The following AUTS2 variants were observed in gnomAD, a reference collection of about 807,000 sequenced individuals.
AUTS2 encodes autism susceptibility gene 2 protein.
In AUTS2, 17 loss-of-function variants were observed where a neutral mutation model predicts 112.4. The ratio of observed to expected loss-of-function variants is 0.15; its 90% confidence interval spans 0.10 to 0.23. The LOEUF (loss-of-function observed/expected upper bound fraction) is 0.23. AUTS2 is among the 10% of genes least tolerant of loss of function. AUTS2 has a pLI of 1.00. For synonymous variants in AUTS2, 751 were observed against 702.7 expected (o/e 1.07, Z -1.09); for missense variants, 1,510 against 1,701.6 (o/e 0.89, Z 1.98).
intron 1 of AUTS2, among the ~76,000 whole-genome samples, chr7:69,731,841 T>C (rs1786808111): frequency 6.6e-6 from 1 of 152,202 alleles, no homozygotes; most frequent in Non-Finnish European, 1.5e-5. Context: ...CAGGAGACAT[T>C]CCTATTTATT....
chr7:70,497,560 A>C (rs1257053233), intron 5 of AUTS2, among the ~76,000 whole-genome samples: 1 of 152,216 alleles, frequency 6.6e-6, no homozygotes, highest in East Asian at 1.9e-4. Flanking sequence ...ATCCTCATGC[A>C]TGTGGAGAAT....
intron 1 of AUTS2, among the ~76,000 whole-genome samples, chr7:69,817,844 C>T (rs1790829185): frequency 6.6e-6 from 1 of 152,124 alleles, no homozygotes; most frequent in Non-Finnish European, 1.5e-5. Context: ...CACAGCTTAT[C>T]CCCACCCTCT....
intron 1 of AUTS2, among the ~76,000 whole-genome samples, chr7:69,854,197 C>G (rs931057661): frequency 1.1e-4 from 16 of 152,122 alleles, no homozygotes; most frequent in African/African-American, 3.9e-4. Context: ...GCTACCAATG[C>G]CTTTCAGTGA....
chr7:70,377,325 A>AATATATATATATATATATATAT (rs58244266), intron 4 of AUTS2, among the ~76,000 whole-genome samples: 1 of 52,058 alleles, frequency 1.9e-5, no homozygotes, highest in Non-Finnish European at 3.7e-5. Context: ...AACAAATATA[A>AATATATATATATATATATATAT]ATATATATAT....
intron 5 of AUTS2, chr7:70,596,917 A>G (rs1044871656): frequency 3.3e-5 from 5 of 152,348 alleles, no homozygotes; most frequent in African/African-American, 1.2e-4. Flanking sequence ...AATGAGTAGC[A>G]ATTAGGAGTT....
chr7:70,479,440 C>A, intron 5 of AUTS2, among the ~76,000 whole-genome samples: 1 of 152,106 alleles, frequency 6.6e-6, no homozygotes, highest in East Asian at 1.9e-4. Context: ...CCGAAATACA[C>A]CAGCCACACT....
chr7:70,773,704 G>A (rs536434353), intron 11 of AUTS2, among the ~76,000 whole-genome samples: 1 of 152,354 alleles, frequency 6.6e-6, no homozygotes, highest in East Asian at 1.9e-4. Flanking sequence ...GGCAGTCCCT[G>A]CCATGGGTTC....
intron 10 of AUTS2, among the ~76,000 whole-genome samples, chr7:70,769,082 G>A (rs1288835608): frequency 6.6e-6 from 1 of 152,084 alleles, no homozygotes; most frequent in Non-Finnish European, 1.5e-5. Context: ...CAAGAGGTTA[G>A]CTGAGAAGTC....
intron 14 of AUTS2, among the ~76,000 whole-genome samples, chr7:70,777,539 G>A (rs910271947): frequency 1.3e-5 from 2 of 151,840 alleles, no homozygotes; most frequent in Admixed American, 1.3e-4. Flanking sequence ...GGGTCTCACT[G>A]TGTTGCCCAG....
At chr7:70,371,283 C>A (rs1043725864) in intron 4 of AUTS2, among the ~76,000 whole-genome samples, 4 of 152,210 alleles carry the variant, frequency 2.6e-5, no homozygotes, top group African/African-American at 9.6e-5. Flanking sequence ...AAAATCTCCT[C>A]ACATGATTCT....
intron 4 of AUTS2, chr7:70,290,958 A>G (rs1788681563): frequency 6.5e-6 from 1 of 153,054 alleles, no homozygotes; most frequent in Admixed American, 6.6e-5. Flanking sequence ...ATTTTACTCT[A>G]TTTCCATTTT....
At position 70,262,552 on chromosome 7, in the gene AUTS2, A is replaced by G. The variant is rs1027627813; in HGVS notation, c.660+127981A>G. ...AAAGTAAAGAAGAGGAACTGTTAAA[A>G]CTTATATGAAGTATGGCTGAATCTT... is the stretch of plus-strand genomic sequence containing the variant. On this transcript the variant is annotated intron_variant, in intron 4 of 18. Transcript: ENST00000342771. 3.3e-4 allele frequency among the ~76,000 whole-genome samples: 51 copies of G among 152,318 alleles called. 1 individual carries two copies. Among genetic ancestry groups the G allele is most frequent in the Admixed American group, 1.6e-3 (24 of 15,298 alleles).
chr7:70,601,113 C>A lies in AUTS2; in HGVS notation c.691-97456C>A, dbSNP rs184836351. On this transcript the variant is annotated intron_variant, in intron 5 of 18. Transcript: ENST00000342771. ...ACTCCCAGACTGTTTTCCAAAGTGA[C>A]TGTACCATTTGACATTCTTACAAGC... 6.8e-4 allele frequency among the ~76,000 whole-genome samples: 103 copies of A among 152,352 alleles called. 1 individual carries two copies. Among genetic ancestry groups the A allele is most frequent in the Admixed American group, 6.4e-3 (98 of 15,302 alleles).
At chr7:70,432,969 C>A (rs1795737638) in intron 4 of AUTS2, among the ~76,000 whole-genome samples, 1 of 152,170 alleles carries the variant, frequency 6.6e-6, no homozygotes, top group Non-Finnish European at 1.5e-5. Context: ...ACTCACCCGG[C>A]ATGTTGTGTG....
chr7:70,240,246 A>G (rs1210455353), intron 4 of AUTS2, among the ~76,000 whole-genome samples: 1 of 152,176 alleles, frequency 6.6e-6, no homozygotes, highest in African/African-American at 2.4e-5. Flanking sequence ...AATTGATGTA[A>G]CCTGGTAACT....
At chr7:70,299,813 C>CTTTTGT (rs1474639667) in intron 4 of AUTS2, among the ~76,000 whole-genome samples, 4 of 102,684 alleles carry the variant, frequency 3.9e-5, no homozygotes, top group Admixed American at 1.3e-4. Context: ...TTTTCTTTTG[C>CTTTTGT]TTTTGTTTTT....
At chr7:70,330,200 A>G (rs1441382768) in intron 4 of AUTS2, among the ~76,000 whole-genome samples, 3 of 152,196 alleles carry the variant, frequency 2.0e-5, no homozygotes, top group African/African-American at 7.2e-5. Context: ...ATTTATGGCC[A>G]AATCCAAGAT....
intron 8 of AUTS2, 91 bp downstream of exon 8, chr7:70,765,096 GC>G: frequency 6.7e-7 from 1 of 1,502,312 alleles, no homozygotes; most frequent in South Asian, 1.3e-5. Flanking sequence ...TTGCAAGGTT[GC>G]ATTTGCCTAC....
At chr7:70,008,404 A>G (rs1376207877) in intron 2 of AUTS2, among the ~76,000 whole-genome samples, 1 of 152,156 alleles carries the variant, frequency 6.6e-6, no homozygotes, top group Non-Finnish European at 1.5e-5. Context: ...TTTAAAAAAT[A>G]TTATGCATTA....
Sources: allele counts gnomAD v4.1 joint callset (sites outside exome capture counted in the v4.1 genomes callset), GRCh38; gene constraint gnomAD v4.1.1; transcripts MANE v1.5; gene names NCBI Gene and HGNC (gene_info 2026-07-23, HGNC 2026-07-21).